The following CACNA1D variants were observed in gnomAD, a reference collection of about 807,000 sequenced individuals.
CACNA1D encodes voltage-dependent L-type calcium channel subunit alpha-1D.
In CACNA1D, 55 loss-of-function variants were observed where a neutral mutation model predicts 257.1. The observed-to-expected ratio is 0.21, with a 90% CI of 0.17 to 0.27. The LOEUF is 0.27. Among genes scored for constraint, CACNA1D ranks in the 10% least tolerant of loss-of-function variants. The probability of loss-of-function intolerance (pLI) is 1.00; values close to 1 mark genes in which losing one functional copy is unlikely to be tolerated. For synonymous variants in CACNA1D, 980 were observed against 1,014.9 expected, an observed-to-expected ratio of 0.97 and a Z score of 0.65; for missense variants, 1,876 against 2,784.0, an observed-to-expected ratio of 0.67 and a Z score of 7.34.
At position 53,682,365 on chromosome 3, in the gene CACNA1D, T is replaced by TAAAAAAAAAAAAAAAAAAAAAA. The variant is rs3082718; in HGVS notation, c.1220+9249_1220+9270dup. ...CGACATAGCGAGGCTTTGTCTCTGGTAAAAAAAAAAAAAAAAAAAAAAAAA... is the reference window on the plus strand; with the variant it reads ...CGACATAGCGAGGCTTTGTCTCTGGTAAAAAAAAAAAAAAAAAAAAAAAAAAAAAAAAAAAAAAAAAAAAAAA... On this transcript the variant is annotated intron_variant, in intron 8 of 47. Coordinates refer to ENST00000350061, the MANE Select transcript of CACNA1D (RefSeq NM_001128840.3). Among the ~76,000 whole-genome samples, 27 of 47,364 alleles carry TAAAAAAAAAAAAAAAAAAAAAA rather than the reference T, an allele frequency of 5.7e-4. 1 individual carries two copies. The highest frequency in any genetic ancestry group is 1.3e-3 in the East Asian group (2 of 1,588). The allele number at this position is 47,364 out of a possible 152,430, so 31.1% of individuals were successfully genotyped here.
chr3:53,643,310 C>T (rs920881730), intron 3 of CACNA1D, among the ~76,000 whole-genome samples: 1 of 152,056 alleles, frequency 6.6e-6, no homozygotes, highest in African/African-American at 2.4e-5. Flanking sequence ...TCTGAGCCGA[C>T]GCCTGCCTGC....
chr3:53,587,007 G>A (rs935555636), intron 3 of CACNA1D, among the ~76,000 whole-genome samples: 1 of 152,118 alleles, frequency 6.6e-6, no homozygotes, highest in African/African-American at 2.4e-5. Context: ...CAGGAAGATT[G>A]TCCAGGGCGT....
chr3:53,707,345 A>G (rs1259540221), intron 9 of CACNA1D, among the ~76,000 whole-genome samples: 1 of 152,072 alleles, frequency 6.6e-6, no homozygotes, highest in Non-Finnish European at 1.5e-5. Context: ...ATGTGAAGCT[A>G]GGGTTCAGAA....
intron 3 of CACNA1D, among the ~76,000 whole-genome samples, chr3:53,630,631 T>C (rs996041972): frequency 1.3e-5 from 2 of 152,236 alleles, no homozygotes; most frequent in Admixed American, 6.5e-5. Context: ...TCAGTATGGC[T>C]TGGGCGTTAG....
At chr3:53,619,735 C>T (rs2093675953) in intron 3 of CACNA1D, among the ~76,000 whole-genome samples, 1 of 152,318 alleles carries the variant, frequency 6.6e-6, no homozygotes, top group Admixed American at 6.5e-5. Flanking sequence ...AAGGCTGCTG[C>T]TTGTTTAAAA....
rs575300482 is a variant in CACNA1D at position 53,497,289 on chromosome 3, A to G, written c.205A>G (p.Met69Val). The G allele has an allele frequency of 3.3e-5, 53 of 1,614,118 alleles. No homozygotes were observed. The highest frequency in any genetic ancestry group is 4.4e-5 in the Non-Finnish European group (52 of 1,180,016). ...AARQAKAAQT[M>V]STSAPPPVGS... Reference sequence around the variant, plus strand: ...TAGACAGGCCAAGGCTGCCCAAACTATGAGCACCTCTGCACCCCCACCTGT... The same window carrying G: ...TAGACAGGCCAAGGCTGCCCAAACTGTGAGCACCTCTGCACCCCCACCTGT... Residue 69 changes from methionine to valine, a missense_variant, in exon 2 of 48, where the codon ATG becomes GTG. By Grantham distance (21) the Met-to-Val change is conservative (BLOSUM62 1). This residue lies in a region of CACNA1D where 143 missense variants were observed against 168.7 expected (regional missense o/e 0.85). Transcript: ENST00000350061.
chr3:53,733,956 GTATGTA>G (rs2095028378), intron 19 of CACNA1D, among the ~76,000 whole-genome samples: 1 of 141,024 alleles, frequency 7.1e-6, no homozygotes, highest in Non-Finnish European at 1.5e-5. Flanking sequence ...GTGTGTGTAT[GTATGTA>G]TGTATGTATA....
chr3:53,769,627 C>T (rs1185192647), intron 30 of CACNA1D, among the ~76,000 whole-genome samples: 3 of 152,202 alleles, frequency 2.0e-5, no homozygotes, highest in Non-Finnish European at 4.4e-5. Flanking sequence ...TTCCTGAGAC[C>T]CACAGCCCTG....
intron 3 of CACNA1D, among the ~76,000 whole-genome samples, chr3:53,634,549 C>T (rs751845881): frequency 3.3e-5 from 5 of 152,136 alleles, no homozygotes. Context: ...TGGTCCTTAG[C>T]ATTGTGGGAA....
Position 53,724,130 on chromosome 3 carries a change from T to G in CACNA1D, c.2100+131T>G, listed in dbSNP as rs2108725806. The G allele has an allele frequency of 6.6e-6, 5 of 760,198 alleles. No homozygotes were observed. The East Asian group carries it at 1.3e-4, about 20-fold the overall frequency. 47.1% of individuals were successfully genotyped at this position (760,198 alleles called of 1,614,324 possible). On this transcript the variant is annotated intron_variant, in intron 14 of 47. Transcript: ENST00000350061. Reference sequence around the variant, plus strand: ...GTTCATCTCTGCCCTAATCATAGCCTGGTAAATTTTGTGCCATTTAAGTTA... The same window carrying G: ...GTTCATCTCTGCCCTAATCATAGCCGGGTAAATTTTGTGCCATTTAAGTTA...
At chr3:53,790,867 A>G in intron 40 of CACNA1D, 1 of 656,322 alleles carries the variant, frequency 1.5e-6, no homozygotes, top group South Asian at 1.7e-5. Context: ...TTTTTAAAGC[A>G]TGATTCTACC....
In CACNA1D at chr3:53,699,224, C is replaced by G. The variant is rs1376413267; in HGVS notation, c.1221-3417C>G. ...TGAGCCTTGGGACCCATGTGTCCTT[C>G]TATGTGTCTCCCAATCCTAACGGGT... On this transcript the variant is annotated intron_variant, in intron 8 of 47. Transcript: ENST00000350061. Among the ~76,000 whole-genome samples the G allele has an allele frequency of 1.3e-5, 2 of 152,186 alleles. 1 individual carries two copies. The highest frequency in any genetic ancestry group is 4.1e-4 in the South Asian group (2 of 4,824).
At chr3:53,558,752 A>G (rs966822363) in intron 3 of CACNA1D, among the ~76,000 whole-genome samples, 1 of 152,044 alleles carries the variant, frequency 6.6e-6, no homozygotes, top group South Asian at 2.1e-4. Context: ...ATTCTTCTCT[A>G]TGCTGTATGT....
rs1366212746 is a variant in CACNA1D, at chr3:53,751,931, G to T, written c.3675+24G>T. On this transcript the variant is annotated intron_variant, in intron 28 of 47. Transcript: ENST00000350061. The surrounding 1 kb of genome is among the most constrained non-coding windows in gnomAD (Gnocchi z 4.3). ...AGGTAAAAATGGAGACAGCCGTGGG[G>T]ATCAGGTCCGGGCATTCCGCACAGC... 6.2e-7 allele frequency: 1 copy of T among 1,612,750 alleles called. No homozygotes were observed. Among genetic ancestry groups the T allele is most frequent in the Non-Finnish European group, 8.5e-7 (1 of 1,178,926 alleles).
At chr3:53,581,491 T>C (rs1216797812) in intron 3 of CACNA1D, among the ~76,000 whole-genome samples, 3 of 152,192 alleles carry the variant, frequency 2.0e-5, no homozygotes, top group African/African-American at 7.2e-5. Flanking sequence ...ATTATTTTTG[T>C]ATCAAATTTA....
intron 40 of CACNA1D, chr3:53,791,445 T>G (rs1559695354): frequency 6.3e-6 from 1 of 159,136 alleles, no homozygotes; most frequent in African/African-American, 2.4e-5. Flanking sequence ...TAAGCAGACC[T>G]GCCTAAGGTG....
intron 9 of CACNA1D, among the ~76,000 whole-genome samples, chr3:53,712,151 T>G (rs371667774): frequency 2.0e-4 from 31 of 152,254 alleles, no homozygotes; most frequent in African/African-American, 7.0e-4. Context: ...CCTTGCTGAA[T>G]GCAGGCTTGG....
intron 19 of CACNA1D, 72 bp downstream of exon 19, chr3:53,733,034 CG>C (rs1452839982): frequency 6.6e-7 from 1 of 1,507,790 alleles, no homozygotes; most frequent in African/African-American, 1.4e-5. Flanking sequence ...GAGGGTGGCT[CG>C]GGTGGGGGTG....
At chr3:53,744,706 C>T (rs374885780) in intron 22 of CACNA1D, 34 bp from the exon 23 acceptor site, 13 of 1,151,846 alleles carry the variant, frequency 1.1e-5, no homozygotes, top group African/African-American at 6.1e-5. Context: ...ATTTATAACA[C>T]GCTCTGCCTG....
Sources: allele counts gnomAD v4.1 joint callset (sites outside exome capture counted in the v4.1 genomes callset), GRCh38; gene constraint gnomAD v4.1.1; regional missense constraint gnomAD v4.1.1; non-coding constraint Gnocchi (gnomAD v3.1); transcripts MANE v1.5; gene names NCBI Gene and HGNC (gene_info 2026-07-23, HGNC 2026-07-21).